CFAP91: variants seen among roughly 807,000 people sequenced by gnomAD.
The protein encoded by CFAP91 is cilia- and flagella-associated protein 91.
In CFAP91, 85 loss-of-function variants were observed where a neutral mutation model predicts 95.9. The observed-to-expected ratio is 0.89, with a 90% CI of 0.74 to 1.06. The LOEUF is 1.06. Ranked by LOEUF, CFAP91 falls within the 50% of genes least tolerant of loss-of-function variation. The probability of loss-of-function intolerance (pLI) is 0.00; values close to 1 mark genes in which losing one functional copy is unlikely to be tolerated. For synonymous variants in CFAP91, 335 were observed against 327.5 expected (o/e 1.02, Z -0.25); for missense variants, 962 against 943.4 (o/e 1.02, Z -0.26).
At chr3:119,721,429 A>T (rs1387369343) in intron 6 of CFAP91, among the ~76,000 whole-genome samples, 1 of 152,244 alleles carries the variant, frequency 6.6e-6, no homozygotes, top group Non-Finnish European at 1.5e-5. Context: ...GACATTGGTA[A>T]TGCTCATTAT....
chr3:119,749,671 T>G (rs1577241291), intron 16 of CFAP91, among the ~76,000 whole-genome samples: 1 of 152,146 alleles, frequency 6.6e-6, no homozygotes, highest in East Asian at 1.9e-4. Flanking sequence ...TCCCTTTATA[T>G]TTTTGCCAAA....
rs2054181794 is a variant in CFAP91, at chr3:119,744,302, G to C, written c.1902+106G>C. 9.4e-6 allele frequency: 8 copies of C among 848,462 alleles called. No homozygotes were observed. The South Asian group carries it at 1.5e-4, about 16-fold the overall frequency. The allele number at this position is 848,462 out of a possible 1,614,324, so 52.6% of individuals were successfully genotyped here. ...CATTTGGCTTTTGTTTATGCATTGA[G>C]TTCCTACTGTATGCCAGGCACTCTA... On this transcript the variant is annotated intron_variant, in intron 14 of 17. Transcript: ENST00000273390.
intron 5 of CFAP91, chr3:119,710,362 C>CA (rs1421047772): frequency 6.4e-6 from 1 of 156,350 alleles, no homozygotes. Flanking sequence ...CTTCACATGG[C>CA]AGAAGAAGCA....
At chr3:119,703,254 C>A (rs1218328139) in intron 1 of CFAP91, 32 bp downstream of exon 1, 1 of 1,607,722 alleles carries the variant, frequency 6.2e-7, no homozygotes, top group Non-Finnish European at 8.5e-7. Flanking sequence ...CCTCCGCGTC[C>A]GTCGCCTCCT....
chr3:119,759,485 C>T (rs2054494258), intron 17 of CFAP91, among the ~76,000 whole-genome samples: 1 of 151,840 alleles, frequency 6.6e-6, no homozygotes. Flanking sequence ...CTGCACATTG[C>T]TTTTAGGTAC....
intron 5 of CFAP91, among the ~76,000 whole-genome samples, chr3:119,710,992 A>G (rs1217783120): frequency 1.3e-5 from 2 of 152,224 alleles, no homozygotes; most frequent in Non-Finnish European, 2.9e-5. Flanking sequence ...AGTCTAAGGT[A>G]TTCATGAAAT....
intron 6 of CFAP91, among the ~76,000 whole-genome samples, chr3:119,724,111 G>A (rs2053734998): frequency 6.6e-6 from 1 of 150,808 alleles, no homozygotes. Context: ...GAGGTTGCAG[G>A]GAGCCGAGAT....
intron 2 of CFAP91, 187 bp downstream of exon 2, chr3:119,707,072 C>T: frequency 1.8e-6 from 1 of 564,944 alleles, no homozygotes; most frequent in Middle Eastern, 3.1e-4. Context: ...GATTAAGTCA[C>T]CAATAATGAA....
At position 119,708,661 on chromosome 3, in the gene CFAP91, A is replaced by G. The variant is rs1397488258; in HGVS notation, c.430A>G (p.Lys144Glu). The G allele has an allele frequency of 3.2e-6, 5 of 1,575,072 alleles. No homozygotes were observed. Among genetic ancestry groups the G allele is most frequent in the Non-Finnish European group, 3.5e-6 (4 of 1,150,254 alleles). The change falls in exon 4 of 18, where the codon AAA becomes GAA. Residue 144 changes from lysine (K) to glutamate (E), a missense_variant. Lys to Glu is a moderately conservative substitution (Grantham distance 56). Coordinates refer to ENST00000273390, the MANE Select transcript of CFAP91 (RefSeq NM_033364.4). ...TGAAGTTACTGGAAAGAATCGCTAT[A>G]AATACTTTGAAAGGTAGAACATAAT... ...DPEVTGKNRY[K>E]YFERPFLPFF...
chr3:119,715,835 T>C, intron 6 of CFAP91, 92 bp downstream of exon 6: 1 of 1,169,288 alleles, frequency 8.6e-7, no homozygotes, highest in Non-Finnish European at 1.3e-6. Flanking sequence ...AATTGTGGTT[T>C]ACAGTGTTGC....
At chr3:119,721,227 G>A (rs2053678976) in intron 6 of CFAP91, among the ~76,000 whole-genome samples, 2 of 152,282 alleles carry the variant, frequency 1.3e-5, no homozygotes, top group Middle Eastern at 3.4e-3. Context: ...CATTTTAACC[G>A]AAAACATAGG....
chr3:119,703,780 T>C (rs905033708), intron 1 of CFAP91, among the ~76,000 whole-genome samples: 2 of 152,194 alleles, frequency 1.3e-5, no homozygotes, highest in Non-Finnish European at 2.9e-5. Flanking sequence ...CATTTTATGT[T>C]TTCTCTCTCT....
intron 12 of CFAP91, 136 bp downstream of exon 12, chr3:119,739,462 C>G (rs2054075340): frequency 1.4e-6 from 1 of 731,748 alleles, no homozygotes; most frequent in South Asian, 1.9e-5. Flanking sequence ...GAGTTGCCTA[C>G]CCATTTCCTT....
At chr3:119,739,351 T>G (rs762754917) in intron 12 of CFAP91, 25 bp downstream of exon 12, 4 of 1,598,638 alleles carry the variant, frequency 2.5e-6, no homozygotes, top group Non-Finnish European at 2.6e-6. Flanking sequence ...CCGCTGGCCC[T>G]GCATTTCTCT....
intron 1 of CFAP91, 150 bp from the exon 2 acceptor site, chr3:119,706,659 C>G: frequency 1.6e-6 from 1 of 624,876 alleles, no homozygotes; most frequent in Non-Finnish European, 2.9e-6. Context: ...GGGCCACATG[C>G]ACAACAGAGC....
At chr3:119,736,034 G>A (rs1294615666) in intron 10 of CFAP91, among the ~76,000 whole-genome samples, 1 of 149,796 alleles carries the variant, frequency 6.7e-6, no homozygotes, top group Non-Finnish European at 1.5e-5. Context: ...GTTTTTGTTT[G>A]CCCCTTTATT....
intron 8 of CFAP91, among the ~76,000 whole-genome samples, chr3:119,731,879 A>C (rs941988481): frequency 1.3e-5 from 2 of 152,264 alleles, no homozygotes; most frequent in Admixed American, 6.5e-5. Flanking sequence ...GTGTTAACCA[A>C]GATGAACCTG....
intron 14 of CFAP91, among the ~76,000 whole-genome samples, chr3:119,746,699 G>C (rs1431581152): frequency 6.6e-6 from 1 of 152,136 alleles, no homozygotes; most frequent in African/African-American, 2.4e-5. Context: ...TAAAATCCAG[G>C]GGTTCTATTA....
chr3:119,705,798 A>G (rs1038049870), intron 1 of CFAP91, among the ~76,000 whole-genome samples: 1 of 152,216 alleles, frequency 6.6e-6, no homozygotes, highest in African/African-American at 2.4e-5. Flanking sequence ...ACCTAGATAG[A>G]GTAGCCAGTC....
Sources: allele counts gnomAD v4.1 joint callset (sites outside exome capture counted in the v4.1 genomes callset), GRCh38; gene constraint gnomAD v4.1.1; transcripts MANE v1.5; gene names NCBI Gene and HGNC (gene_info 2026-07-23, HGNC 2026-07-21).